Variants in SH3KBP1 observed in about 807,000 individuals in gnomAD.
SH3KBP1 encodes SH3 domain-containing kinase-binding protein 1.
In SH3KBP1, 8 loss-of-function variants were observed where a neutral mutation model predicts 50.1. The observed-to-expected ratio is 0.16, with a 90% CI of 0.09 to 0.29. SH3KBP1 has a LOEUF of 0.29. Among genes scored for constraint, SH3KBP1 ranks in the 10% least tolerant of loss-of-function variants. The pLI, the probability that SH3KBP1 is intolerant of heterozygous loss-of-function variation, is 1.00. For synonymous variants in SH3KBP1, 227 were observed against 218.6 expected (o/e 1.04, Z -0.34); for missense variants, 377 against 535.2 (o/e 0.70, Z 2.92).
At chrX:19,574,051 G>C (rs988178500) in intron 12 of SH3KBP1, among the ~76,000 whole-genome samples, 11 of 110,812 alleles carry the variant, frequency 9.9e-5, no homozygotes, top group African/African-American at 3.3e-4. Flanking sequence ...TGTGAGTTGT[G>C]GCAAATTCTG....
chrX:19,667,332 T>C (rs1311342986), intron 6 of SH3KBP1, among the ~76,000 whole-genome samples: 3 of 111,862 alleles, frequency 2.7e-5, no homozygotes, highest in Non-Finnish European at 5.6e-5. Flanking sequence ...CACTTAAAAA[T>C]GGTTAAGGTG....
Position 19,697,206 on chromosome X carries a change from T to C in SH3KBP1, c.391-1465A>G, listed in dbSNP as rs778571421. Reference sequence around the variant, plus strand: ...TGATATTTTCAACTTATGATGGGTTTATTGGGACATAATCCCATTTTAAGT... The same window carrying C: ...TGATATTTTCAACTTATGATGGGTTCATTGGGACATAATCCCATTTTAAGT... On this transcript the variant is annotated intron_variant, in intron 4 of 17. Transcript: ENST00000397821. Among the ~76,000 whole-genome samples the C allele has an allele frequency of 1.2e-4, 14 of 112,372 alleles. 1 individual carries two copies. Among genetic ancestry groups the C allele is most frequent in the Non-Finnish European group, 2.1e-4 (11 of 53,277 alleles).
chrX:19,779,988 C>T (rs2066119923), intron 2 of SH3KBP1, among the ~76,000 whole-genome samples: 2 of 111,041 alleles, frequency 1.8e-5, no homozygotes, highest in African/African-American at 6.6e-5. Context: ...GATGGTATTT[C>T]CAGTTCTAGA....
chrX:19,535,337 T>G lies in SH3KBP1; in HGVS notation c.*1080A>C. ...AGTGAGCAAGGCAAATGACATTATG[T>G]GAATACAGTTTAAACGATAACACAC... On this transcript the variant is annotated 3_prime_UTR_variant, in exon 18 of 18. Transcript: ENST00000397821. 5.4e-6 allele frequency: 1 copy of G among 185,792 alleles called. No individual in the cohort carries two copies. The highest frequency in any genetic ancestry group is 2.9e-4 in the South Asian group (1 of 3,439). 15.3% of individuals were successfully genotyped at this position (185,792 alleles called of 1,213,427 possible).
intron 1 of SH3KBP1, 145 bp downstream of exon 1, chrX:19,887,162 G>A: frequency 2.2e-6 from 1 of 445,268 alleles, no homozygotes; most frequent in South Asian, 1.2e-4. Flanking sequence ...GAATGGGGGT[G>A]CGCGAGGCAG....
intron 12 of SH3KBP1, among the ~76,000 whole-genome samples, chrX:19,584,507 T>A (rs897850320): frequency 2.8e-5 from 3 of 107,334 alleles, no homozygotes; most frequent in South Asian, 3.9e-4. Context: ...TTTTTAAAAA[T>A]TTTTTTGTAG....
intron 7 of SH3KBP1, among the ~76,000 whole-genome samples, chrX:19,638,726 G>A (rs1199835827): frequency 8.9e-6 from 1 of 111,741 alleles, no homozygotes; most frequent in Non-Finnish European, 1.9e-5. Context: ...GGGTGGGTGT[G>A]CCATATGCTA....
chrX:19,682,392 A>G (rs1294700953), intron 6 of SH3KBP1, among the ~76,000 whole-genome samples: 1 of 106,208 alleles, frequency 9.4e-6, no homozygotes, highest in Non-Finnish European at 1.9e-5. Context: ...CTCCTACACA[A>G]AGAAGATAAA....
chrX:19,860,799 G>C (rs529240795), intron 1 of SH3KBP1, among the ~76,000 whole-genome samples: 1 of 111,318 alleles, frequency 9.0e-6, no homozygotes, highest in Non-Finnish European at 1.9e-5. Context: ...ATTCTGAAGA[G>C]GAACCTAGAA....
chrX:19,544,224 G>C (rs768131612), intron 15 of SH3KBP1, among the ~76,000 whole-genome samples: 13 of 111,244 alleles, frequency 1.2e-4, no homozygotes, highest in Non-Finnish European at 2.4e-4. Flanking sequence ...CTGCTGCCAG[G>C]AATAGCGCTC....
chrX:19,742,422 A>C (rs1367602932), intron 3 of SH3KBP1, among the ~76,000 whole-genome samples: 1 of 111,466 alleles, frequency 9.0e-6, no homozygotes, highest in African/African-American at 3.3e-5. Context: ...TTTCATTTTT[A>C]ATTCAAGTAG....
chrX:19,846,898 A>G (rs2068380847), intron 1 of SH3KBP1, among the ~76,000 whole-genome samples: 1 of 111,589 alleles, frequency 9.0e-6, no homozygotes, highest in Non-Finnish European at 1.9e-5. Context: ...TGTCTTGAGG[A>G]TAGGATAGTA....
At chrX:19,598,572 T>C (rs991489952) in intron 9 of SH3KBP1, among the ~76,000 whole-genome samples, 3 of 111,899 alleles carry the variant, frequency 2.7e-5, no homozygotes, top group African/African-American at 9.8e-5. Context: ...TTCTAGCTTT[T>C]GATTTAAAGT....
chrX:19,751,780 G>A (rs1341714073), intron 2 of SH3KBP1, among the ~76,000 whole-genome samples: 1 of 112,003 alleles, frequency 8.9e-6, no homozygotes, highest in Non-Finnish European at 1.9e-5. Flanking sequence ...CACATTCAGA[G>A]ACCAAAAAGC....
At chrX:19,841,769 T>C (rs1243452681) in intron 1 of SH3KBP1, among the ~76,000 whole-genome samples, 1 of 108,451 alleles carries the variant, frequency 9.2e-6, no homozygotes, top group Non-Finnish European at 1.9e-5. Flanking sequence ...CTTAGAGACA[T>C]TGAGAGGTAA....
chrX:19,791,762 T>C (rs183370514), intron 2 of SH3KBP1, among the ~76,000 whole-genome samples: 1 of 111,686 alleles, frequency 9.0e-6, no homozygotes, highest in Non-Finnish European at 1.9e-5. Context: ...ACTCAGGAAG[T>C]AGCCTGACAC....
chrX:19,558,823 A>T (rs1410734458), intron 13 of SH3KBP1, among the ~76,000 whole-genome samples: 1 of 112,259 alleles, frequency 8.9e-6, no homozygotes, highest in Non-Finnish European at 1.9e-5. Flanking sequence ...TTTAAGCATG[A>T]CAAAACAGAA....
chrX:19,838,533 C>T (rs986696270), intron 1 of SH3KBP1, among the ~76,000 whole-genome samples: 17 of 112,084 alleles, frequency 1.5e-4, no homozygotes, highest in African/African-American at 5.5e-4. Context: ...GGGTCAGCTG[C>T]TTGAAAAGAT....
intron 6 of SH3KBP1, among the ~76,000 whole-genome samples, chrX:19,671,580 A>G: frequency 8.9e-6 from 1 of 112,051 alleles, no homozygotes; most frequent in Non-Finnish European, 1.9e-5. Flanking sequence ...CACCACTTCA[A>G]TGAATCTAGA....
Sources: allele counts gnomAD v4.1 joint callset (sites outside exome capture counted in the v4.1 genomes callset), GRCh38; gene constraint gnomAD v4.1.1; transcripts MANE v1.5; gene names NCBI Gene and HGNC (gene_info 2026-07-23, HGNC 2026-07-21).